The following PPM1B variants were observed in gnomAD, a reference collection of about 807,000 sequenced individuals.
PPM1B encodes the protein protein phosphatase, Mg2+/Mn2+ dependent 1B.
Under a neutral mutation model 43.0 loss-of-function variants are expected in PPM1B, and 22 were observed. That is an observed-to-expected ratio of 0.51 (90% confidence interval 0.37 to 0.73). PPM1B has a LOEUF of 0.73. Among genes scored for constraint, PPM1B ranks in the 30% least tolerant of loss-of-function variants. The pLI is 0.00. For missense variants in PPM1B, 632 were observed against 584.2 expected, an observed-to-expected ratio of 1.08 and a Z score of -0.84; for synonymous variants, 217 against 197.9, an observed-to-expected ratio of 1.10 and a Z score of -0.81.
rs189777253 is a variant in PPM1B at position 44,215,373 on chromosome 2, A to G, written c.965-2594A>G. ...ACTTGAAGACTGAAGCAGGAGGATC[A>G]CTTGAGTCCAGGAGTTTGGTGTTAC... On this transcript the variant is annotated intron_variant, in intron 3 of 5. Transcript: ENST00000282412. Among the ~76,000 whole-genome samples the G allele has an allele frequency of 3.5e-3, 529 of 152,250 alleles. 3 individuals are homozygous for G. Among genetic ancestry groups the G allele is most frequent in the Non-Finnish European group, 6.7e-3 (455 of 68,036 alleles).
At chr2:44,220,749 T>C (rs1669943094) in intron 5 of PPM1B, among the ~76,000 whole-genome samples, 1 of 152,244 alleles carries the variant, frequency 6.6e-6, no homozygotes, top group South Asian at 2.1e-4. Context: ...CATTGCCATG[T>C]GACTTGGACA....
chr2:44,173,789 C>A (rs1667459692), intron 1 of PPM1B, among the ~76,000 whole-genome samples: 1 of 151,976 alleles, frequency 6.6e-6, no homozygotes, highest in Non-Finnish European at 1.5e-5. Context: ...CCAAAAAATA[C>A]AAAAATTAGC....
At chr2:44,192,920 A>G (rs1668475323) in intron 1 of PPM1B, among the ~76,000 whole-genome samples, 1 of 152,202 alleles carries the variant, frequency 6.6e-6, no homozygotes, top group Non-Finnish European at 1.5e-5. Context: ...AAGGCTGAAC[A>G]GTATTCCATT....
intron 5 of PPM1B, among the ~76,000 whole-genome samples, chr2:44,219,387 G>T (rs928913491): frequency 2.0e-5 from 3 of 152,002 alleles, no homozygotes; most frequent in African/African-American, 4.8e-5. Flanking sequence ...TTGGCAGATT[G>T]AGAGAGAGAG....
chr2:44,178,472 A>G (rs867290446), intron 1 of PPM1B, among the ~76,000 whole-genome samples: 9 of 71,224 alleles, frequency 1.3e-4, no homozygotes, highest in African/African-American at 3.9e-4. Context: ...ATATATATAT[A>G]TATTTTTTTT....
At chr2:44,189,142 G>A (rs185120820) in intron 1 of PPM1B, among the ~76,000 whole-genome samples, 6 of 152,234 alleles carry the variant, frequency 3.9e-5, no homozygotes, top group East Asian at 1.9e-4. Context: ...AAAGTGGTGG[G>A]ATTACAGGTG....
chr2:44,246,834 G>C (rs10460534), downstream of PPM1B, among the ~76,000 whole-genome samples: 1 of 151,878 alleles, frequency 6.6e-6, no homozygotes, highest in East Asian at 1.9e-4. Context: ...CTGATTTCTT[G>C]GTTTTGTTTT....
At chr2:44,174,536 A>T (rs1178865880) in intron 1 of PPM1B, among the ~76,000 whole-genome samples, 5 of 152,262 alleles carry the variant, frequency 3.3e-5, no homozygotes, top group African/African-American at 9.6e-5. Flanking sequence ...CTTGTCTTTT[A>T]TAGAAAACTT....
intron 1 of PPM1B, 105 bp downstream of exon 1, chr2:44,169,379 G>C (rs1302671193): frequency 6.6e-6 from 1 of 152,320 alleles, no homozygotes; most frequent in Non-Finnish European, 1.5e-5. Context: ...GCCGCGGCCG[G>C]GGCCTCTGTC....
Position 44,240,718 on chromosome 2 carries a change from G to A in PPM1B, n.1547-3510G>A, listed in dbSNP as rs1269685197. Among the ~76,000 whole-genome samples, 2 of 145,886 alleles carry A rather than the reference G, an allele frequency of 1.4e-5. 1 individual carries two copies. The highest frequency in any genetic ancestry group is 3.1e-5 in the Non-Finnish European group (2 of 65,394). On this transcript the variant is annotated intron_variant and non_coding_transcript_variant, in intron 5 of 5. Coordinates refer to the PPM1B transcript ENST00000378540. ...CCTGATTTAAGGCAGATGTTCCCAA[G>A]AAGGAATAACTCCTTAGCCTACTAG...
At chr2:44,211,172 ATTAC>A (rs1229506944) in intron 3 of PPM1B, among the ~76,000 whole-genome samples, 1 of 152,144 alleles carries the variant, frequency 6.6e-6, no homozygotes, top group African/African-American at 2.4e-5. Flanking sequence ...TTGATACAAT[ATTAC>A]TTTGTAATCC....
At chr2:44,230,352 T>G in intron 5 of PPM1B, 61 bp from the exon 6 acceptor site, 1 of 1,575,458 alleles carries the variant, frequency 6.3e-7, no homozygotes, top group Non-Finnish European at 8.6e-7. Flanking sequence ...TAATGTGTTA[T>G]GAAATACATG....
At chr2:44,188,689 C>T (rs896254789) in intron 1 of PPM1B, among the ~76,000 whole-genome samples, 2 of 151,774 alleles carry the variant, frequency 1.3e-5, no homozygotes, top group African/African-American at 4.8e-5. Context: ...AGCCACTATG[C>T]CCAGTTTGCC....
chr2:44,175,602 T>G (rs959773673), intron 1 of PPM1B, among the ~76,000 whole-genome samples: 1 of 152,168 alleles, frequency 6.6e-6, no homozygotes, highest in Non-Finnish European at 1.5e-5. Context: ...GTGGCTGGCT[T>G]AAAAACTTGA....
chr2:44,196,175 C>G (rs529025926), intron 1 of PPM1B, among the ~76,000 whole-genome samples: 1 of 152,140 alleles, frequency 6.6e-6, no homozygotes, highest in Middle Eastern at 3.2e-3. Flanking sequence ...TTTTTCTATC[C>G]AAGATCCCAT....
At chr2:44,229,526 AT>A (rs1166155100) in intron 5 of PPM1B, among the ~76,000 whole-genome samples, 1 of 152,148 alleles carries the variant, frequency 6.6e-6, no homozygotes, top group East Asian at 1.9e-4. Flanking sequence ...TTCTGAATTC[AT>A]ATGATTGTTT....
At chr2:44,193,462 C>T (rs1023401993) in intron 1 of PPM1B, among the ~76,000 whole-genome samples, 1 of 151,936 alleles carries the variant, frequency 6.6e-6, no homozygotes, top group Non-Finnish European at 1.5e-5. Context: ...AGTACAGTGG[C>T]CCATCACTAC....
At chr2:44,233,614 A>C (rs1038966968), downstream of PPM1B, 8 of 985,820 alleles carry the variant, frequency 8.1e-6, no homozygotes, top group African/African-American at 1.4e-4. Context: ...GCAGGATGTA[A>C]TTGCCCTTGT....
chr2:44,172,022 T>G (rs561645564), intron 1 of PPM1B, among the ~76,000 whole-genome samples: 11 of 152,306 alleles, frequency 7.2e-5, no homozygotes, highest in African/African-American at 2.6e-4. Flanking sequence ...CTGATTTTAG[T>G]AAAAATTAGC....
Sources: gnomAD v4.1 joint callset for allele counts (sites outside exome capture counted in the v4.1 genomes callset) on GRCh38, gnomAD v4.1.1 for gene constraint, MANE v1.5 for transcripts, NCBI Gene and HGNC (gene_info 2026-07-23, HGNC 2026-07-21) for gene names.